CPLX2: variants seen among roughly 807,000 people sequenced by gnomAD.
CPLX2 encodes complexin-2.
Under a neutral mutation model 16.3 loss-of-function variants are expected in CPLX2, and 5 were observed. That is an observed-to-expected ratio of 0.31 (90% CI 0.16 to 0.64). The LOEUF (loss-of-function observed/expected upper bound fraction) is 0.64. Ranked by LOEUF, CPLX2 falls within the 30% of genes least tolerant of loss-of-function variation. The pLI is 0.79. For missense variants in CPLX2, 144 were observed against 181.4 expected, an observed-to-expected ratio of 0.79 and a Z score of 1.18; for synonymous variants, 89 against 73.2, an observed-to-expected ratio of 1.22 and a Z score of -1.10.
Position 175,845,668 on chromosome 5 carries a change from C to A in CPLX2, c.-88-32984C>A, listed in dbSNP as rs1759029661. Among the ~76,000 whole-genome samples, 1 of 152,154 alleles carries A rather than the reference C, an allele frequency of 6.6e-6. No individual in the cohort carries two copies. Among genetic ancestry groups the A allele is most frequent in the Non-Finnish European group, 1.5e-5 (1 of 68,030 alleles). The stretch of plus-strand genomic sequence containing the variant: ...TGTGAGTCTCTTAAGGGCGGGGACT[C>A]ATTGGTGCTGGTTCCACGGGCCTGG... On this transcript the variant is annotated intron_variant, in intron 2 of 4. Coordinates refer to the CPLX2 transcript ENST00000359546. This position sits in a 1 kb window ranked among gnomAD's most constrained non-coding sequence, Gnocchi z 4.0.
intron 1 of CPLX2, among the ~76,000 whole-genome samples, chr5:175,808,727 G>A (rs1296377722): frequency 2.6e-5 from 4 of 152,134 alleles, no homozygotes; most frequent in Non-Finnish European, 4.4e-5. Flanking sequence ...ACCAAAGTAC[G>A]GTCAATGGTA....
At chr5:175,862,060 GA>G (rs1482618210) in intron 2 of CPLX2, among the ~76,000 whole-genome samples, 1 of 152,172 alleles carries the variant, frequency 6.6e-6, no homozygotes, top group African/African-American at 2.4e-5. Context: ...AGCACCTGCT[GA>G]AAGCACCCTG....
At chr5:175,871,379 GA>G (rs1482730497), upstream of CPLX2, 1 of 132,164 alleles carries the variant, frequency 7.6e-6, no homozygotes, top group Non-Finnish European at 1.6e-5. Flanking sequence ...AGGAGGGGAC[GA>G]GGGGGGAGGG....
At chr5:175,808,011 T>C (rs985643433) in intron 1 of CPLX2, among the ~76,000 whole-genome samples, 9 of 152,026 alleles carry the variant, frequency 5.9e-5, no homozygotes, top group African/African-American at 1.4e-4. Flanking sequence ...AGGGCTATCG[T>C]TACTAAAAGA....
upstream of CPLX2, chr5:175,871,479 G>GAGGGAGAGAGAGAGAGAGAGAGAC (rs1759616293): frequency 6.6e-6 from 1 of 151,040 alleles, no homozygotes; most frequent in Admixed American, 6.6e-5. Flanking sequence ...GAGAGAGAGA[G>GAGGGAGAGAGAGAGAGAGAGAGAC]AGAGAGATTT....
At chr5:175,801,171 A>AAAAAAC (rs1554117471) in intron 1 of CPLX2, among the ~76,000 whole-genome samples, 1 of 151,026 alleles carries the variant, frequency 6.6e-6, no homozygotes, top group Non-Finnish European at 1.5e-5. Flanking sequence ...TAAAAAAAAA[A>AAAAAAC]AAAAACTGGG....
rs758693300 is a variant in CPLX2, at chr5:175,880,129, T to A, written c.*84T>A. On this transcript the variant is annotated 3_prime_UTR_variant, in exon 4 of 4. Coordinates refer to ENST00000393745, the MANE Select transcript of CPLX2 (RefSeq NM_001008220.2). ...TCTTTTTATTAGGTTAAGTCTCAAT[T>A]CTGAAGGGGAAAACCTCAGTTGGCC... 13 of 1,469,744 alleles carry A rather than the reference T, an allele frequency of 8.8e-6. No individual in the cohort carries two copies. The highest frequency in any genetic ancestry group is 1.2e-5 in the Non-Finnish European group (13 of 1,072,278). The allele number at this position is 1,469,744 out of a possible 1,614,324, so 91.0% of individuals were successfully genotyped here. A position where few individuals can be genotyped will look rare whatever the true frequency, so the allele number is the denominator to read the frequency against.
At chr5:175,812,054 GA>G (rs1392500771) in intron 2 of CPLX2, among the ~76,000 whole-genome samples, 1 of 152,232 alleles carries the variant, frequency 6.6e-6, no homozygotes, top group African/African-American at 2.4e-5. Flanking sequence ...CAGATGCTGG[GA>G]CCATTGTAGG....
Position 175,883,722 on chromosome 5 carries a change from A to C in CPLX2, c.*3677A>C, listed in dbSNP as rs972554187. On this transcript the variant is annotated 3_prime_UTR_variant, in exon 4 of 4. Transcript: ENST00000393745. ...CCACTCCTGTCACCCCACGCTCTGC[A>C]CTGGGGAGAAAACGGGAGGTGCTCG... 2 of 152,626 alleles carry C rather than the reference A, an allele frequency of 1.3e-5. No homozygotes were observed. Among genetic ancestry groups the C allele is most frequent in the Non-Finnish European group, 2.9e-5 (2 of 68,210 alleles). 9.5% of individuals were successfully genotyped at this position (152,626 alleles called of 1,614,324 possible). A position where few individuals can be genotyped will look rare whatever the true frequency, so the allele number is the denominator to read the frequency against.
At chr5:175,829,263 G>A (rs962834243) in intron 2 of CPLX2, among the ~76,000 whole-genome samples, 3 of 152,324 alleles carry the variant, frequency 2.0e-5, no homozygotes, top group South Asian at 2.1e-4. Flanking sequence ...AGGAAACTGC[G>A]GCTCAGCGAG....
At chr5:175,851,172 G>T (rs942234766) in intron 2 of CPLX2, among the ~76,000 whole-genome samples, 4 of 152,118 alleles carry the variant, frequency 2.6e-5, no homozygotes, top group African/African-American at 9.7e-5. Flanking sequence ...CCACTTTCTT[G>T]TCTCTTCAAA....
At chr5:175,850,703 C>A (rs1759134389) in intron 2 of CPLX2, among the ~76,000 whole-genome samples, 1 of 152,192 alleles carries the variant, frequency 6.6e-6, no homozygotes, top group African/African-American at 2.4e-5. Flanking sequence ...TGACCGAGGG[C>A]ACCCTCATCC....
rs1053345431 is a variant in CPLX2 at position 175,845,308 on chromosome 5, C to T, written c.-88-33344C>T. On this transcript the variant is annotated intron_variant, in intron 2 of 4. Transcript: ENST00000359546. The surrounding 1 kb of genome is among the most constrained non-coding windows in gnomAD (Gnocchi z 4.0). The stretch of plus-strand genomic sequence containing the variant: ...AAAACCCACAGCCCACTCTGGGACC[C>T]GCAAGGCCCCACATCACCTGGCTCC... Among the ~76,000 whole-genome samples the T allele has an allele frequency of 3.9e-5, 6 of 152,206 alleles. No individual in the cohort carries two copies. Among genetic ancestry groups the T allele is most frequent in the South Asian group, 2.1e-4 (1 of 4,834 alleles).
At chr5:175,871,462 A>AGAGAGAGAGAGAGAGG (rs1759610829), upstream of CPLX2, 2 of 136,236 alleles carry the variant, frequency 1.5e-5, no homozygotes, top group Admixed American at 7.2e-5. Flanking sequence ...AGAGAGAGAG[A>AGAGAGAGAGAGAGAGG]GAGAGAGAGA....
Position 175,883,885 on chromosome 5 carries a change from G to A in CPLX2, c.*3840G>A, listed in dbSNP as rs1490086656. 1 of 152,810 alleles carries A rather than the reference G, an allele frequency of 6.5e-6. No individual in the cohort carries two copies. Among genetic ancestry groups the A allele is most frequent in the Non-Finnish European group, 1.5e-5 (1 of 68,228 alleles). 9.5% of individuals were successfully genotyped at this position (152,810 alleles called of 1,614,324 possible). On this transcript the variant is annotated 3_prime_UTR_variant, in exon 4 of 4. Coordinates refer to ENST00000393745, the MANE Select transcript of CPLX2 (RefSeq NM_001008220.2). ...CTTCCTTTCAATGTGTCAGTGCCTG[G>A]GGGGAGGGGAGGAGCACCCCCTCAG...
intron 2 of CPLX2, among the ~76,000 whole-genome samples, chr5:175,838,470 G>T (rs1256917567): frequency 6.6e-6 from 1 of 151,898 alleles, no homozygotes; most frequent in African/African-American, 2.4e-5. Flanking sequence ...GGGTTTCACC[G>T]TGTTAGCCAG....
chr5:175,823,417 T>A (rs560406512), intron 2 of CPLX2, among the ~76,000 whole-genome samples: 1 of 152,038 alleles, frequency 6.6e-6, no homozygotes, highest in South Asian at 2.1e-4. Context: ...CGATGGACGA[T>A]TGGTTGGATA....
At chr5:175,817,500 T>C (rs1758429939) in intron 2 of CPLX2, among the ~76,000 whole-genome samples, 1 of 152,254 alleles carries the variant, frequency 6.6e-6, no homozygotes. Flanking sequence ...CTCCCCTGAC[T>C]GCAGCCAGCC....
At chr5:175,852,370 T>G (rs1322240463) in intron 2 of CPLX2, among the ~76,000 whole-genome samples, 1 of 152,158 alleles carries the variant, frequency 6.6e-6, no homozygotes, top group Non-Finnish European at 1.5e-5. Flanking sequence ...GGAGAGAAGA[T>G]TTGAGCCCAT....
Sources: allele counts gnomAD v4.1 joint callset (sites outside exome capture counted in the v4.1 genomes callset), GRCh38; gene constraint gnomAD v4.1.1; non-coding constraint Gnocchi (gnomAD v3.1); transcripts MANE v1.5; gene names NCBI Gene and HGNC (gene_info 2026-07-23, HGNC 2026-07-21).